Variants in ZHX2 observed in about 807,000 individuals in gnomAD.
The protein encoded by ZHX2 is zinc fingers and homeoboxes protein 2.
ZHX2 carries 6 observed loss-of-function variants against 21.9 expected under a neutral mutation model. The observed-to-expected ratio is 0.27, with a 90% CI of 0.15 to 0.54. ZHX2 has a LOEUF of 0.54. Ranked by LOEUF, ZHX2 falls within the 20% of genes least tolerant of loss-of-function variation. ZHX2 has a pLI of 0.95. For synonymous variants in ZHX2, 434 were observed against 437.1 expected, an observed-to-expected ratio of 0.99 and a Z score of 0.09; for missense variants, 908 against 1,090.7, an observed-to-expected ratio of 0.83 and a Z score of 2.36.
At chr8:122,841,666 C>T (rs556442295) in intron 1 of ZHX2, among the ~76,000 whole-genome samples, 38 of 152,282 alleles carry the variant, frequency 2.5e-4, no homozygotes, top group South Asian at 8.3e-4. Flanking sequence ...TTCAGCCCTC[C>T]AGCTAGAGAG....
rs1819563064 is a variant in ZHX2 at position 122,876,023 on chromosome 8, C to T, written c.-220+12484C>T. Among the ~76,000 whole-genome samples, 5 of 152,126 alleles carry T rather than the reference C, an allele frequency of 3.3e-5. No homozygotes were observed. The South Asian group carries it at 1.0e-3, about 32-fold the overall frequency. ...GCATCCATCCATCCATCCCATTCAT[C>T]CATCCATCCCTCCACCCACCCATCC... On this transcript the variant is annotated intron_variant, in intron 2 of 3. Transcript: ENST00000314393.
Position 122,951,688 on chromosome 8 carries a change from G to A in ZHX2, c.178G>A (p.Val60Met). ...TGAAAACTCTTCCAAAGAAAACGAA[G>A]TGATAGAGGTGAAATCTATGGGGGA... ...ELENSSKENE[V>M]IEVKSMGESQ... The change falls in exon 3 of 4, where the codon GTG (valine) becomes ATG (methionine). Residue 60 changes from valine to methionine, a missense_variant. Around this residue, in one of 4 missense-constraint regions of ZHX2, gnomAD observed 220 missense variants for 251.4 expected, o/e 0.88. Transcript: ENST00000314393. 4 of 1,614,080 alleles carry A rather than the reference G, an allele frequency of 2.5e-6. No homozygotes were observed. The highest frequency in any genetic ancestry group is 3.4e-6 in the Non-Finnish European group (4 of 1,180,010).
At chr8:122,807,875 T>C (rs1817853822) in intron 1 of ZHX2, 1 of 152,246 alleles carries the variant, frequency 6.6e-6, no homozygotes, top group Non-Finnish European at 1.5e-5. Context: ...CACTGTCTCT[T>C]AACTGCTGTG....
At chr8:122,919,977 A>T (rs578244791) in intron 2 of ZHX2, among the ~76,000 whole-genome samples, 1 of 152,328 alleles carries the variant, frequency 6.6e-6, no homozygotes, top group South Asian at 2.1e-4. Flanking sequence ...ATGTTTTTAC[A>T]GAAATTTGAA....
At chr8:122,786,312 T>C (rs1817394484) in intron 1 of ZHX2, among the ~76,000 whole-genome samples, 1 of 152,182 alleles carries the variant, frequency 6.6e-6, no homozygotes, top group Non-Finnish European at 1.5e-5. Context: ...CCTTCACCAT[T>C]GCTTTAAATC....
chr8:122,884,639 C>T (rs989222460), intron 2 of ZHX2, among the ~76,000 whole-genome samples: 13 of 152,138 alleles, frequency 8.5e-5, no homozygotes, highest in Non-Finnish European at 1.5e-4. Flanking sequence ...CGTGGGCGTC[C>T]GCTGGCCATG....
chr8:122,787,206 CCTGT>C (rs1243383543), intron 1 of ZHX2, among the ~76,000 whole-genome samples: 1 of 151,984 alleles, frequency 6.6e-6, no homozygotes, highest in East Asian at 1.9e-4. Flanking sequence ...AGGGCCAGAA[CCTGT>C]CTTCTTGCTG....
intron 1 of ZHX2, among the ~76,000 whole-genome samples, chr8:122,814,391 T>G (rs1417676093): frequency 6.6e-6 from 1 of 152,222 alleles, no homozygotes; most frequent in Non-Finnish European, 1.5e-5. Context: ...AAAGCACATA[T>G]TGGTCCTCAC....
chr8:122,846,617 C>CT (rs201157866), intron 1 of ZHX2, among the ~76,000 whole-genome samples: 216 of 133,316 alleles, frequency 1.6e-3, no homozygotes, highest in South Asian at 5.6e-3. Flanking sequence ...AAGTGATTCT[C>CT]TTTTTTTTTT....
intron 2 of ZHX2, among the ~76,000 whole-genome samples, chr8:122,864,985 T>G (rs1229176551): frequency 6.6e-6 from 1 of 152,130 alleles, no homozygotes; most frequent in African/African-American, 2.4e-5. Flanking sequence ...CCAGAGACGG[T>G]GTTTTTCTTT....
intron 2 of ZHX2, among the ~76,000 whole-genome samples, chr8:122,898,638 C>G (rs1820153453): frequency 6.6e-6 from 1 of 152,224 alleles, no homozygotes; most frequent in Non-Finnish European, 1.5e-5. Context: ...CCTAATATGT[C>G]TCGGCCACAG....
Position 122,952,160 on chromosome 8 carries a change from G to C in ZHX2, c.650G>C (p.Arg217Pro), listed in dbSNP as rs756368144. Residue 217 changes from arginine (R) to proline (P), a missense_variant, in exon 3 of 4, where the codon CGC becomes CCC. By Grantham distance (103) the Arg-to-Pro change is moderately radical. Transcript: ENST00000314393. The surrounding 1 kb of genome is among the most constrained non-coding windows in gnomAD (Gnocchi z 6.9). ...TPENHVEGTA[R>P]LVTDTAEILS... ...GAGAACCACGTGGAAGGGACCGCCC[G>C]CCTGGTGACAGACACAGCTGAGATC... 6.2e-7 allele frequency: 1 copy of C among 1,612,884 alleles called. No homozygotes were observed. The highest frequency in any genetic ancestry group is 8.5e-7 in the Non-Finnish European group (1 of 1,179,812).
In ZHX2 at chr8:122,782,134, GT is replaced by G. The variant is rs1416259813; in HGVS notation, c.-283+189del. Among the ~76,000 whole-genome samples, 9 of 142,600 alleles carry G rather than the reference GT, an allele frequency of 6.3e-5. No individual in the cohort carries two copies. Among genetic ancestry groups the G allele is most frequent in the South Asian group, 2.4e-4 (1 of 4,208 alleles). 93.6% of individuals were successfully genotyped at this position (142,600 alleles called of 152,430 possible). A position where few individuals can be genotyped will look rare whatever the true frequency, so the allele number is the denominator to read the frequency against. The stretch of plus-strand genomic sequence containing the variant: ...GGAAGGGGGGTACGGAAGGGGGGGG[GT>G]GTGCAGGCTCTTTTTGCGGGTGGGA... On this transcript the variant is annotated intron_variant, in intron 1 of 3. Coordinates refer to ENST00000314393, the MANE Select transcript of ZHX2 (RefSeq NM_014943.5). This position sits in a 1 kb window ranked among gnomAD's most constrained non-coding sequence, Gnocchi z 5.3.
intron 2 of ZHX2, among the ~76,000 whole-genome samples, chr8:122,884,618 C>T (rs1007213617): frequency 6.6e-6 from 1 of 152,210 alleles, no homozygotes; most frequent in African/African-American, 2.4e-5. Flanking sequence ...TGCAGCAACT[C>T]CCGCAAGTAT....
intron 2 of ZHX2, among the ~76,000 whole-genome samples, chr8:122,943,158 A>T (rs1443414120): frequency 6.6e-6 from 1 of 152,186 alleles, no homozygotes. Flanking sequence ...GCTACTCAGG[A>T]GGCTGAGGCA....
At chr8:122,898,348 C>T (rs537427949) in intron 2 of ZHX2, among the ~76,000 whole-genome samples, 24 of 152,090 alleles carry the variant, frequency 1.6e-4, no homozygotes, top group African/African-American at 4.8e-4. Context: ...GGTGGTGGTG[C>T]GATTCATCAG....
intron 1 of ZHX2, among the ~76,000 whole-genome samples, chr8:122,810,952 G>A (rs1021115617): frequency 6.6e-5 from 10 of 152,154 alleles, no homozygotes; most frequent in African/African-American, 2.2e-4. Flanking sequence ...CCAGGGTACC[G>A]AAAGTTTTAC....
At chr8:122,871,946 T>C (rs73711225) in intron 2 of ZHX2, among the ~76,000 whole-genome samples, 2,469 of 152,162 alleles carry the variant, frequency 0.016, 64 homozygotes, top group African/African-American at 0.057. Flanking sequence ...AACCTATAGA[T>C]GTGTTCCTAA....
intron 2 of ZHX2, among the ~76,000 whole-genome samples, chr8:122,895,715 G>GAGGCAT (rs1820083254): frequency 1.3e-5 from 2 of 149,650 alleles, no homozygotes; most frequent in African/African-American, 4.9e-5. Flanking sequence ...TGCAGTCTAA[G>GAGGCAT]ACCCAGGCAA....
Sources: allele counts gnomAD v4.1 joint callset (sites outside exome capture counted in the v4.1 genomes callset), GRCh38; gene constraint gnomAD v4.1.1; regional missense constraint gnomAD v4.1.1; non-coding constraint Gnocchi (gnomAD v3.1); transcripts MANE v1.5; gene names NCBI Gene and HGNC (gene_info 2026-07-23, HGNC 2026-07-21).